APOBEC1: variants seen among roughly 807,000 people sequenced by gnomAD.
APOBEC1 encodes the protein C->U-editing enzyme APOBEC-1.
Under a neutral mutation model 26.3 loss-of-function variants are expected in APOBEC1, and 22 were observed. The observed-to-expected ratio is 0.84, with a 90% CI of 0.60 to 1.19. The LOEUF (loss-of-function observed/expected upper bound fraction) is 1.19, where lower values mean the gene tolerates loss of function less well. Among genes scored for constraint, APOBEC1 ranks in the 50% most tolerant of loss-of-function variants. APOBEC1 has a pLI of 0.00. For missense variants in APOBEC1, 253 were observed against 289.0 expected, an observed-to-expected ratio of 0.88 and a Z score of 0.90; for synonymous variants, 77 against 95.3, an observed-to-expected ratio of 0.81 and a Z score of 1.12.
upstream of APOBEC1, among the ~76,000 whole-genome samples, chr12:7,667,852 CAGT>C (rs1219833701): frequency 6.8e-6 from 1 of 146,056 alleles, no homozygotes; most frequent in African/African-American, 2.6e-5. Context: ...GGGAAGTTTG[CAGT>C]TAGCCGAGAT....
At chr12:7,662,660 A>C (rs887496289) in intron 1 of APOBEC1, among the ~76,000 whole-genome samples, 1 of 152,198 alleles carries the variant, frequency 6.6e-6, no homozygotes, top group Non-Finnish European at 1.5e-5. Context: ...CATATCAGAG[A>C]TGGCAGTCAG....
At chr12:7,670,512 T>C (rs1863937513), upstream of APOBEC1, among the ~76,000 whole-genome samples, 1 of 139,424 alleles carries the variant, frequency 7.2e-6, no homozygotes, top group Non-Finnish European at 1.6e-5. Context: ...CCCAGCACTT[T>C]GGGAGGCCAA....
intron 1 of APOBEC1, among the ~76,000 whole-genome samples, chr12:7,657,043 CGTGTGTGTGTGTGTGTGTGT>C (rs6144603): frequency 6.7e-6 from 1 of 148,654 alleles, no homozygotes; most frequent in East Asian, 2.0e-4. Context: ...GTTGTATATA[CGTGTGTGTGTGTGTGTGTGT>C]GTGTGTGTGT....
intron 1 of APOBEC1, among the ~76,000 whole-genome samples, chr12:7,660,375 G>GGAAGGAAGGACA (rs61183510): frequency 1.1e-3 from 26 of 23,960 alleles, no homozygotes; most frequent in South Asian, 1.7e-3. Context: ...AAGGAAGGAA[G>GGAAGGAAGGACA]GAAAGAAAGA....
In APOBEC1 at chr12:7,660,384, G is replaced by GAAAAAGAA. The variant is rs762035447; in HGVS notation, c.16+5472_16+5473insTTCTTTTT. 2.3e-3 allele frequency among the ~76,000 whole-genome samples: 184 copies of GAAAAAGAA among 81,354 alleles called. 6 individuals carry two copies. Among genetic ancestry groups the GAAAAAGAA allele is most frequent in the Non-Finnish European group, 3.8e-3 (135 of 35,698 alleles). The allele number at this position is 81,354 out of a possible 152,430, so 53.4% of individuals were successfully genotyped here. On this transcript the variant is annotated intron_variant, in intron 1 of 4. Transcript: ENST00000229304. ...GGAAGGAAGGAAGGAAGGAAAGAAA[G>GAAAAAGAA]AAAGAAAGAAAGAAAGAAAGAAAGA...
Position 7,663,389 on chromosome 12 carries a change from A to G in APOBEC1, c.16+2468T>C, listed in dbSNP as rs79936939. On this transcript the variant is annotated intron_variant, in intron 1 of 4. Transcript: ENST00000229304. ...ATCTAGGAAATAGGACGAAGTCAGG[A>G]AACACTATTCCAAGTGTGACCTGAA... is the stretch of plus-strand genomic sequence containing the variant. Among the ~76,000 whole-genome samples the G allele has an allele frequency of 1.3e-3, 196 of 152,278 alleles. 2 individuals carry two copies. The highest frequency in any genetic ancestry group is 4.6e-3 in the African/African-American group (193 of 41,560).
upstream of APOBEC1, among the ~76,000 whole-genome samples, chr12:7,666,457 C>G (rs113930825): frequency 2.6e-5 from 4 of 151,964 alleles, no homozygotes; most frequent in African/African-American, 7.3e-5. Context: ...CCACGCCCGG[C>G]TAATTTTTTG....
At position 7,654,372 on chromosome 12, in the gene APOBEC1, C is replaced by CTTT. The variant is rs373055650; in HGVS notation, c.44+230_44+232dup. 7.0e-3 allele frequency among the ~76,000 whole-genome samples: 959 copies of CTTT among 136,568 alleles called. 23 individuals are homozygous for CTTT. Among genetic ancestry groups the CTTT allele is most frequent in the African/African-American group, 0.024 (889 of 36,570 alleles). 89.6% of individuals were successfully genotyped at this position (136,568 alleles called of 152,430 possible). A position where few individuals can be genotyped will look rare whatever the true frequency, so the allele number is the denominator to read the frequency against. On this transcript the variant is annotated intron_variant, in intron 2 of 4. Transcript: ENST00000229304. ...ATAAAGAAAGCTATATCCACAGTTC[C>CTTT]TTTTTTTTTTTTTTTTTGAGACAGG...
rs764452957 is a variant in APOBEC1, at chr12:7,661,037, CAAAAA to C, written c.16+4815_16+4819del. Among the ~76,000 whole-genome samples the C allele has an allele frequency of 6.6e-5, 6 of 91,054 alleles. No individual in the cohort carries two copies. The Admixed American group carries it at 7.8e-4, about 12-fold the overall frequency. The allele number at this position is 91,054 out of a possible 152,430, so 59.7% of individuals were successfully genotyped here. A position where few individuals can be genotyped will look rare whatever the true frequency, so the allele number is the denominator to read the frequency against. ...TGAAATCCCGTCTGTACTAAAAATACAAAAAAAAAAAAAAAAAAATTAGCCTGGTG... is the reference window on the plus strand; with the variant it reads ...TGAAATCCCGTCTGTACTAAAAATACAAAAAAAAAAAAAATTAGCCTGGTG... On this transcript the variant is annotated intron_variant, in intron 1 of 4. Coordinates refer to ENST00000229304, the MANE Select transcript of APOBEC1 (RefSeq NM_001644.5).
intron 2 of APOBEC1, among the ~76,000 whole-genome samples, chr12:7,653,144 C>A (rs761206062): frequency 5.3e-5 from 8 of 152,084 alleles, no homozygotes; most frequent in East Asian, 3.9e-4. Flanking sequence ...GTTGGCCAGG[C>A]TGGTCTCAAA....
intron 1 of APOBEC1, among the ~76,000 whole-genome samples, chr12:7,657,036 G>GTA (rs1274191954): frequency 7.1e-6 from 1 of 140,710 alleles, no homozygotes; most frequent in Admixed American, 7.3e-5. Context: ...CTAGTGTGTT[G>GTA]TATATACGTG....
At chr12:7,656,204 A>G (rs955650378) in intron 1 of APOBEC1, among the ~76,000 whole-genome samples, 2 of 151,970 alleles carry the variant, frequency 1.3e-5, no homozygotes, top group African/African-American at 2.4e-5. Flanking sequence ...GAATTTATAT[A>G]CCGCAGGCCT....
upstream of APOBEC1, among the ~76,000 whole-genome samples, chr12:7,667,269 C>T (rs140888995): frequency 1.3e-5 from 2 of 152,196 alleles, no homozygotes; most frequent in Non-Finnish European, 2.9e-5. Flanking sequence ...TATGCCATTG[C>T]TCTCTGTTGC....
upstream of APOBEC1, chr12:7,665,992 ATC>A: frequency 2.0e-6 from 2 of 1,025,546 alleles, no homozygotes; most frequent in Non-Finnish European, 3.1e-6. Context: ...TCATTCCCGC[ATC>A]TCAGGCAGTT....
In APOBEC1 at chr12:7,649,550, T is replaced by A; in HGVS notation, c.708A>T (p.Arg236Ser). The change falls in exon 5 of 5, where the codon AGA becomes AGT. Residue 236 changes from arginine (R) to serine (S), a missense_variant. Transcript: ENST00000229304. ...TACACACACGGAATCATCCTATTCA[T>A]CTCCAAGCCACAGAAGGATGTATCA... Reference protein sequence around the residue: ...TGLIHPSVAWR With the variant: ...TGLIHPSVAWS The A allele has an allele frequency of 6.2e-7, 1 of 1,614,008 alleles. No homozygotes were observed. Among genetic ancestry groups the A allele is most frequent in the African/African-American group, 1.3e-5 (1 of 75,024 alleles).
At chr12:7,663,093 A>G (rs1197997710) in intron 1 of APOBEC1, among the ~76,000 whole-genome samples, 1 of 152,162 alleles carries the variant, frequency 6.6e-6, no homozygotes, top group African/African-American at 2.4e-5. Context: ...GGGGAGATGC[A>G]GGCAAGAAAT....
At chr12:7,656,707 T>C (rs1592059396) in intron 1 of APOBEC1, among the ~76,000 whole-genome samples, 1 of 152,194 alleles carries the variant, frequency 6.6e-6, no homozygotes, top group East Asian at 1.9e-4. Flanking sequence ...GACCCTAAGA[T>C]TGCCTATTCC....
chr12:7,659,786 G>A (rs1216022842), intron 1 of APOBEC1, among the ~76,000 whole-genome samples: 4 of 152,014 alleles, frequency 2.6e-5, no homozygotes, highest in Non-Finnish European at 5.9e-5. Flanking sequence ...TGGCTAACAC[G>A]GTGAAAACCC....
chr12:7,652,934 TATTTTA>T, intron 2 of APOBEC1, 99 bp from the exon 3 acceptor site: 14 of 1,053,690 alleles, frequency 1.3e-5, no homozygotes, highest in Non-Finnish European at 1.7e-5. Flanking sequence ...TATTTTATTT[TATTTTA>T]TTTTTTTAAG....
Sources: allele counts gnomAD v4.1 joint callset (sites outside exome capture counted in the v4.1 genomes callset), GRCh38; gene constraint gnomAD v4.1.1; transcripts MANE v1.5; gene names NCBI Gene and HGNC (gene_info 2026-07-23, HGNC 2026-07-21).